AAMDC: variants seen among roughly 807,000 people sequenced by gnomAD.
The protein encoded by AAMDC is adipogenesis associated Mth938 domain containing.
A neutral mutation model predicts 15.5 loss-of-function variants in AAMDC; 16 were observed. The observed-to-expected ratio is 1.03, with a 90% CI of 0.70 to 1.57. AAMDC has a LOEUF of 1.57. Ranked by LOEUF, AAMDC falls within the 40% of genes most tolerant of loss-of-function variation. The pLI is 0.00. For missense variants in AAMDC, 141 were observed against 144.9 expected, an observed-to-expected ratio of 0.97 and a Z score of 0.14; for synonymous variants, 51 against 51.6, an observed-to-expected ratio of 0.99 and a Z score of 0.05.
chr11:77,844,450 C>G (rs1267764773), intron 2 of AAMDC, among the ~76,000 whole-genome samples: 1 of 152,094 alleles, frequency 6.6e-6, no homozygotes, highest in East Asian at 1.9e-4. Context: ...GTAGTCTACA[C>G]CACCTGGGTG....
intron 2 of AAMDC, among the ~76,000 whole-genome samples, chr11:77,852,133 G>A (rs1346411524): frequency 2.0e-5 from 3 of 148,108 alleles, no homozygotes; most frequent in African/African-American, 7.5e-5. Flanking sequence ...TTGGGAGGAC[G>A]AGGGACGAGA....
chr11:77,900,783 G>T, downstream of AAMDC: 5 of 593,256 alleles, frequency 8.4e-6, no homozygotes, highest in Non-Finnish European at 1.5e-5. Context: ...ATGAAATGTG[G>T]CAATTCCAGT....
chr11:77,822,647 TA>T (rs1948971633), intron 1 of AAMDC, among the ~76,000 whole-genome samples: 1 of 152,180 alleles, frequency 6.6e-6, no homozygotes, highest in South Asian at 2.1e-4. Context: ...ATACTCAATT[TA>T]TCAAGAGAAA....
chr11:77,841,263 T>G, intron 1 of AAMDC: 1 of 702,336 alleles, frequency 1.4e-6, no homozygotes, highest in South Asian at 1.5e-5. Flanking sequence ...CAGTTAAATT[T>G]AAACATGAGT....
intron 5 of AAMDC, chr11:77,894,400 G>A (rs1162436397): frequency 2.0e-6 from 2 of 1,007,130 alleles, no homozygotes; most frequent in Admixed American, 2.2e-5. Flanking sequence ...GCAAACTGAG[G>A]AGGACCAAAA....
chr11:77,862,222 G>A (rs904054459), intron 2 of AAMDC, among the ~76,000 whole-genome samples: 11 of 152,130 alleles, frequency 7.2e-5, no homozygotes, highest in African/African-American at 2.7e-4. Flanking sequence ...TTCCTCTGTT[G>A]TCATCCTATC....
At chr11:77,822,557 G>T (rs1215070402) in intron 1 of AAMDC, among the ~76,000 whole-genome samples, 1 of 151,806 alleles carries the variant, frequency 6.6e-6, no homozygotes, top group African/African-American at 2.4e-5. Context: ...CACAAACACC[G>T]AATTTTTTTC....
intron 5 of AAMDC, chr11:77,891,585 T>C: frequency 6.4e-7 from 1 of 1,569,684 alleles, no homozygotes; most frequent in East Asian, 2.3e-5. Context: ...AGGAACAGCC[T>C]AGCCCAGCTG....
At chr11:77,848,616 T>C (rs912340826) in intron 2 of AAMDC, among the ~76,000 whole-genome samples, 8 of 152,150 alleles carry the variant, frequency 5.3e-5, no homozygotes, top group African/African-American at 1.9e-4. Context: ...TGCTTTGACC[T>C]CCCAAAGTGC....
At chr11:77,900,370 A>G (rs1952736076) in intron 5 of AAMDC, among the ~76,000 whole-genome samples, 1 of 152,170 alleles carries the variant, frequency 6.6e-6, no homozygotes, top group Non-Finnish European at 1.5e-5. Context: ...AAGTGCTGGG[A>G]TTACAGGTGT....
chr11:77,859,587 G>A (rs2136239687), intron 2 of AAMDC, among the ~76,000 whole-genome samples: 1 of 152,268 alleles, frequency 6.6e-6, no homozygotes, highest in Middle Eastern at 3.4e-3. Context: ...CTGAGCACTA[G>A]TTCCTGGAGT....
chr11:77,841,148 T>C, intron 1 of AAMDC: 1 of 699,054 alleles, frequency 1.4e-6, no homozygotes. Flanking sequence ...CCTTTTATAA[T>C]GAACCTACTA....
At chr11:77,869,361 G>A (rs1951303020) in intron 2 of AAMDC, among the ~76,000 whole-genome samples, 1 of 139,136 alleles carries the variant, frequency 7.2e-6, no homozygotes, top group African/African-American at 2.8e-5. Context: ...TGCCCAGGAT[G>A]GAGTGCAGTG....
At chr11:77,878,448 G>A (rs1951668139) in intron 5 of AAMDC, among the ~76,000 whole-genome samples, 1 of 152,046 alleles carries the variant, frequency 6.6e-6, no homozygotes, top group South Asian at 2.1e-4. Flanking sequence ...CTGCATTAGG[G>A]AAGAGGCTTC....
downstream of AAMDC, chr11:77,877,139 C>T (rs1951621281): frequency 3.0e-6 from 2 of 659,726 alleles, no homozygotes; most frequent in Admixed American, 4.4e-5. Context: ...AAATAGACTG[C>T]CTGGAAATAG....
At chr11:77,854,983 C>T (rs1373294906) in intron 2 of AAMDC, among the ~76,000 whole-genome samples, 1 of 152,226 alleles carries the variant, frequency 6.6e-6, no homozygotes, top group Admixed American at 6.5e-5. Flanking sequence ...ACTGGCTTAA[C>T]ACCTCATGGA....
chr11:77,891,302 A>G (rs775390637), intron 5 of AAMDC: 2 of 1,607,644 alleles, frequency 1.2e-6, no homozygotes, highest in South Asian at 1.1e-5. Flanking sequence ...CTCCATGAGG[A>G]CCCAAACCCG....
At chr11:77,900,316 C>G (rs190865470) in intron 5 of AAMDC, among the ~76,000 whole-genome samples, 211 of 152,132 alleles carry the variant, frequency 1.4e-3, no homozygotes, top group African/African-American at 2.1e-3. Flanking sequence ...AGCCAGGATG[C>G]TCTTGATCTC....
chr11:77,849,140 G>A (rs1363646128), intron 2 of AAMDC, among the ~76,000 whole-genome samples: 1 of 151,562 alleles, frequency 6.6e-6, no homozygotes, highest in Non-Finnish European at 1.5e-5. Flanking sequence ...AGGCTCAAGC[G>A]TTCCTCCCAC....
Sources: allele counts gnomAD v4.1 joint callset (sites outside exome capture counted in the v4.1 genomes callset), GRCh38; gene constraint gnomAD v4.1.1; transcripts MANE v1.5; gene names NCBI Gene and HGNC (gene_info 2026-07-23, HGNC 2026-07-21).